MAP3K13: variants seen among roughly 807,000 people sequenced by gnomAD.
MAP3K13 encodes the protein mitogen-activated protein kinase kinase kinase 13.
MAP3K13 carries 52 observed loss-of-function variants against 104.0 expected under a neutral mutation model. The ratio of observed to expected loss-of-function variants is 0.50; its 90% CI spans 0.40 to 0.63. The LOEUF is 0.63. MAP3K13 is among the 20% of genes least tolerant of loss of function. MAP3K13 has a pLI of 0.00. For missense variants in MAP3K13, 914 were observed against 1,218.5 expected (o/e 0.75, Z 3.72); for synonymous variants, 394 against 442.2 (o/e 0.89, Z 1.37).
chr3:185,463,406 C>A, intron 7 of MAP3K13, 144 bp from the exon 8 acceptor site: 1 of 547,452 alleles, frequency 1.8e-6, no homozygotes, highest in Non-Finnish European at 3.4e-6. Context: ...TGCTATTAAT[C>A]AAATCATATT....
At position 185,465,577 on chromosome 3, in the gene MAP3K13, C is replaced by G. The variant is rs539631168; in HGVS notation, c.1389-170C>G. ...AACCAGGTGGAGAGCTTAGATTTCC[C>G]ACCTCCCGTTCCATTTTGTCTGAGT... On this transcript the variant is annotated intron_variant, in intron 8 of 13. Transcript: ENST00000265026. Among the ~76,000 whole-genome samples, 5 of 152,236 alleles carry G rather than the reference C, an allele frequency of 3.3e-5. No individual in the cohort carries two copies. The East Asian group carries it at 9.6e-4, about 29-fold the overall frequency.
intron 1 of MAP3K13, among the ~76,000 whole-genome samples, chr3:185,366,074 C>G (rs1290715601): frequency 6.6e-6 from 1 of 150,602 alleles, no homozygotes; most frequent in Admixed American, 6.6e-5. Flanking sequence ...AAAAAGAAAC[C>G]ACATACCCAT....
chr3:185,395,956 G>A (rs184042965), intron 1 of MAP3K13, among the ~76,000 whole-genome samples: 1 of 152,076 alleles, frequency 6.6e-6, no homozygotes, highest in Non-Finnish European at 1.5e-5. Context: ...TGGGATTACA[G>A]GCATGAGCCA....
At chr3:185,400,905 G>GTTTTTTTTTTTTTTTTTTTTTTTTTTTT (rs71164506) in intron 1 of MAP3K13, among the ~76,000 whole-genome samples, 1 of 107,292 alleles carries the variant, frequency 9.3e-6, no homozygotes, top group Non-Finnish European at 1.8e-5. Flanking sequence ...GTGTTTGTTT[G>GTTTTTTTTTTTTTTTTTTTTTTTTTTTT]TTTTTTTTTT....
At chr3:185,303,955 C>T (rs1721194305) in intron 2 of MAP3K13, among the ~76,000 whole-genome samples, 2 of 151,598 alleles carry the variant, frequency 1.3e-5, no homozygotes, top group African/African-American at 4.8e-5. Context: ...GTGTGTTTAC[C>T]ACTAATAACT....
intron 1 of MAP3K13, among the ~76,000 whole-genome samples, chr3:185,384,096 C>G (rs1487833707): frequency 6.6e-6 from 1 of 152,156 alleles, no homozygotes; most frequent in Non-Finnish European, 1.5e-5. Flanking sequence ...TCTTCATCCC[C>G]TCTTCTCCAC....
chr3:185,345,032 T>G (rs1341470008), intron 2 of MAP3K13, among the ~76,000 whole-genome samples: 1 of 152,122 alleles, frequency 6.6e-6, no homozygotes, highest in African/African-American at 2.4e-5. Context: ...CCAGCTAATT[T>G]TTGTATTGTT....
chr3:185,355,661 G>A (rs1319849955), intron 2 of MAP3K13, among the ~76,000 whole-genome samples: 4 of 151,604 alleles, frequency 2.6e-5, no homozygotes, highest in Non-Finnish European at 5.9e-5. Context: ...CAAACAAAAA[G>A]CAAAGAGAAC....
intron 1 of MAP3K13, among the ~76,000 whole-genome samples, chr3:185,421,977 T>C (rs1432592835): frequency 1.3e-5 from 2 of 152,230 alleles, no homozygotes; most frequent in African/African-American, 4.8e-5. Context: ...TTGGGACCCG[T>C]TGGACTAGAT....
At chr3:185,342,307 G>C (rs1722750437) in intron 2 of MAP3K13, among the ~76,000 whole-genome samples, 1 of 152,160 alleles carries the variant, frequency 6.6e-6, no homozygotes, top group South Asian at 2.1e-4. Flanking sequence ...GCATGCTGCA[G>C]TGCACAAGTA....
chr3:185,472,844 G>A (rs1009641650), intron 10 of MAP3K13, 131 bp from the exon 11 acceptor site: 23 of 845,388 alleles, frequency 2.7e-5, no homozygotes, highest in East Asian at 7.6e-5. Flanking sequence ...CCCCTCATAC[G>A]TTATCTCTAT....
chr3:185,403,912 T>G (rs1254085213), intron 1 of MAP3K13, among the ~76,000 whole-genome samples: 1 of 152,272 alleles, frequency 6.6e-6, no homozygotes, highest in Non-Finnish European at 1.5e-5. Context: ...ACCTAAGGTT[T>G]GCTTTTTTCC....
At chr3:185,332,692 C>T (rs1167107377) in intron 2 of MAP3K13, among the ~76,000 whole-genome samples, 1 of 152,206 alleles carries the variant, frequency 6.6e-6, no homozygotes, top group Non-Finnish European at 1.5e-5. Flanking sequence ...GTCCTCAAGG[C>T]TTATCCGTGA....
rs1225659294 is a variant in MAP3K13 at position 185,483,023 on chromosome 3, A to G, written c.*567A>G. On this transcript the variant is annotated 3_prime_UTR_variant, in exon 14 of 14. Coordinates refer to ENST00000265026, the MANE Select transcript of MAP3K13 (RefSeq NM_004721.5). ...AGCAAAAGAAAAGCAATTCCAGGCA[A>G]CTTGTGAACAGACCATATTCACTTC... 4.3e-6 allele frequency: 1 copy of G among 231,844 alleles called. No individual in the cohort carries two copies. Among genetic ancestry groups the G allele is most frequent in the Non-Finnish European group, 8.5e-6 (1 of 117,336 alleles). 14.4% of individuals were successfully genotyped at this position (231,844 alleles called of 1,614,324 possible). A position where few individuals can be genotyped will look rare whatever the true frequency, so the allele number is the denominator to read the frequency against.
Position 185,363,240 on chromosome 3 carries a change from G to A in MAP3K13, c.-214G>A, listed in dbSNP as rs1203165083. 5.1e-6 allele frequency: 5 copies of A among 985,274 alleles called. No individual in the cohort carries two copies. The highest frequency in any genetic ancestry group is 6.0e-6 in the Non-Finnish European group (5 of 829,920). 61.0% of individuals were successfully genotyped at this position (985,274 alleles called of 1,614,324 possible). A position where few individuals can be genotyped will look rare whatever the true frequency, so the allele number is the denominator to read the frequency against. On this transcript the variant is annotated 5_prime_UTR_variant, in exon 1 of 14. An upstream open reading frame in the 5' UTR gains an earlier in-frame stop. Transcript: ENST00000265026. ...CAAGCCTTTGGGCTCCTTTGCGGTG[G>A]GCTGGAGGATTGTGTGGGTGGAATC...
chr3:185,283,882 TTTTC>T (rs907348522), intron 1 of MAP3K13, among the ~76,000 whole-genome samples: 57 of 151,058 alleles, frequency 3.8e-4, no homozygotes, highest in African/African-American at 7.1e-4. Flanking sequence ...TTACTTTCCT[TTTTC>T]TTTCTTTCTT....
chr3:185,407,732 C>T lies in MAP3K13; in HGVS notation c.-85-20765C>T, dbSNP rs558740501. 2.6e-5 allele frequency among the ~76,000 whole-genome samples: 4 copies of T among 152,218 alleles called. No homozygotes were observed. The South Asian group carries it at 8.3e-4, about 32-fold the overall frequency. On this transcript the variant is annotated intron_variant, in intron 1 of 13. Coordinates refer to ENST00000265026, the MANE Select transcript of MAP3K13 (RefSeq NM_004721.5). Reference sequence around the variant, plus strand: ...ACACCTTGCCCCTATTAATCAGTTCCCACACCTGGCCCCTATTATTTGGTT... The same window carrying T: ...ACACCTTGCCCCTATTAATCAGTTCTCACACCTGGCCCCTATTATTTGGTT...
chr3:185,335,023 G>A (rs1353361499), intron 2 of MAP3K13, among the ~76,000 whole-genome samples: 1 of 143,578 alleles, frequency 7.0e-6, no homozygotes, highest in East Asian at 2.1e-4. Flanking sequence ...TCTAAACATA[G>A]AACCAGAAAC....
intron 2 of MAP3K13, among the ~76,000 whole-genome samples, chr3:185,299,393 T>G (rs1721022320): frequency 6.6e-6 from 1 of 152,256 alleles, no homozygotes; most frequent in Non-Finnish European, 1.5e-5. Flanking sequence ...AAAAGGAGCC[T>G]GCACTCACTT....
Sources: gnomAD v4.1 joint callset for allele counts (sites outside exome capture counted in the v4.1 genomes callset) on GRCh38, gnomAD v4.1.1 for gene constraint, MANE v1.5 for transcripts, NCBI Gene and HGNC (gene_info 2026-07-23, HGNC 2026-07-21) for gene names.